The following ABCA6 variants were observed in gnomAD, a reference collection of about 807,000 sequenced individuals.
ABCA6 encodes the protein ATP binding cassette subfamily A member 6.
Under a neutral mutation model 191.2 loss-of-function variants are expected in ABCA6, and 164 were observed. That is an observed-to-expected ratio of 0.86 (90% CI 0.76 to 0.98). ABCA6 has a LOEUF of 0.98. Ranked by LOEUF, ABCA6 falls within the 50% of genes least tolerant of loss-of-function variation. The pLI is 0.00. For synonymous variants in ABCA6, 636 were observed against 647.7 expected, an observed-to-expected ratio of 0.98 and a Z score of 0.27; for missense variants, 1,958 against 1,894.1, an observed-to-expected ratio of 1.03 and a Z score of -0.63.
chr17:69,107,736 T>C lies in ABCA6; in HGVS notation c.2349A>G (p.Glu783=), dbSNP rs139778874. 105 of 1,612,670 alleles carry C rather than the reference T, an allele frequency of 6.5e-5. No homozygotes were observed. Among genetic ancestry groups the C allele is most frequent in the Middle Eastern group, 1.6e-4 (1 of 6,070 alleles). The change falls in exon 18 of 39, where the codon GAA becomes GAG. Residue 783 remains glutamate (E), a synonymous_variant. Transcript: ENST00000284425. ...ACTGTCCTTCCAGTTTCATAAAGAC[T>C]TCATTTAGAGTTGACATGGAAATGT... ...GYDISMSTLN[E]VFMKLEGQST...
chr17:69,083,452 A>G, intron 34 of ABCA6, 121 bp from the exon 35 acceptor site: 1 of 944,754 alleles, frequency 1.1e-6, no homozygotes, highest in Non-Finnish European at 1.5e-6. Context: ...CAATGTAAGT[A>G]CTGACTAGGT....
intron 27 of ABCA6, among the ~76,000 whole-genome samples, chr17:69,089,010 G>A (rs1432785655): frequency 6.6e-6 from 1 of 152,158 alleles, no homozygotes; most frequent in Non-Finnish European, 1.5e-5. Context: ...TAAGCTCCAT[G>A]AGGGCAGGGA....
intron 25 of ABCA6, among the ~76,000 whole-genome samples, chr17:69,093,085 G>A (rs894189054): frequency 6.6e-6 from 1 of 152,110 alleles, no homozygotes; most frequent in Admixed American, 6.5e-5. Context: ...TTTAACATGA[G>A]GAATGACATA....
At chr17:69,092,506 T>A (rs572363737) in intron 25 of ABCA6, among the ~76,000 whole-genome samples, 1 of 152,300 alleles carries the variant, frequency 6.6e-6, no homozygotes, top group South Asian at 2.1e-4. Context: ...ACTTTGACAG[T>A]GTGAGAGGAT....
At chr17:69,083,999 G>A (rs1222935375) in intron 34 of ABCA6, among the ~76,000 whole-genome samples, 2 of 152,116 alleles carry the variant, frequency 1.3e-5, no homozygotes, top group African/African-American at 2.4e-5. Flanking sequence ...ATAATTAAAA[G>A]GCAAAATATT....
intron 36 of ABCA6, among the ~76,000 whole-genome samples, chr17:69,082,314 TAC>T (rs1014798616): frequency 3.9e-5 from 5 of 128,798 alleles, no homozygotes; most frequent in Non-Finnish European, 8.1e-5. Context: ...CCAAATAACA[TAC>T]AGACATACAC....
intron 27 of ABCA6, 25 bp from the exon 28 acceptor site, chr17:69,088,283 AT>A (rs769724202): frequency 1.7e-5 from 25 of 1,512,258 alleles, no homozygotes; most frequent in Non-Finnish European, 2.2e-5. Flanking sequence ...ATACAGTTAT[AT>A]TTAGGCATAA....
At chr17:69,107,971 T>G in intron 17 of ABCA6, 159 bp from the exon 18 acceptor site, 1 of 556,370 alleles carries the variant, frequency 1.8e-6, no homozygotes, top group Non-Finnish European at 3.1e-6. Flanking sequence ...GAGAATGCTC[T>G]CCTTCTCTGA....
At chr17:69,084,401 C>T (rs1396091533) in intron 33 of ABCA6, 31 bp downstream of exon 33, 3 of 1,614,096 alleles carry the variant, frequency 1.9e-6, no homozygotes, top group Non-Finnish European at 2.5e-6. Flanking sequence ...ACCACACCAG[C>T]TCTCCATAGA....
At chr17:69,104,724 C>A (rs1300238460) in intron 20 of ABCA6, 4 of 148,708 alleles carry the variant, frequency 2.7e-5, no homozygotes, top group Non-Finnish European at 5.9e-5. Flanking sequence ...AATCCCAGCA[C>A]TTTGGGAGGC....
At chr17:69,091,102 A>G in intron 26 of ABCA6, 41 bp downstream of exon 26, 1 of 1,586,642 alleles carries the variant, frequency 6.3e-7, no homozygotes, top group South Asian at 1.1e-5. Flanking sequence ...TTAATAAGCT[A>G]CATATTCAAA....
intron 28 of ABCA6, 123 bp from the exon 29 acceptor site, chr17:69,087,596 T>C (rs969746687): frequency 7.7e-7 from 1 of 1,295,572 alleles, no homozygotes; most frequent in Non-Finnish European, 1.1e-6. Flanking sequence ...GATGTGATGA[T>C]GACTGTCAAT....
intron 30 of ABCA6, among the ~76,000 whole-genome samples, chr17:69,086,083 C>T (rs1250642538): frequency 6.6e-6 from 1 of 152,190 alleles, no homozygotes; most frequent in East Asian, 1.9e-4. Context: ...TCAACCACCT[C>T]TGTCCAAGTT....
chr17:69,136,835 T>G (rs902769837), intron 3 of ABCA6, among the ~76,000 whole-genome samples: 1 of 152,144 alleles, frequency 6.6e-6, no homozygotes, highest in African/African-American at 2.4e-5. Context: ...TGTTTACTGA[T>G]TGTACTATAT....
chr17:69,128,359 T>C (rs1598055149), intron 8 of ABCA6, among the ~76,000 whole-genome samples: 1 of 151,978 alleles, frequency 6.6e-6, no homozygotes. Flanking sequence ...TAAATATTTG[T>C]ATATAGGAAA....
Position 69,107,724 on chromosome 17 carries a change from T to C in ABCA6, c.2361A>G (p.Lys787=). The change falls in exon 18 of 39, where the codon AAA becomes AAG. Residue 787 remains lysine (K), a synonymous_variant. Coordinates refer to ENST00000284425, the MANE Select transcript of ABCA6 (RefSeq NM_080284.3). Reference sequence around the variant, plus strand: ...GTTCGATAGTTGACTGTCCTTCCAGTTTCATAAAGACTTCATTTAGAGTTG... The same window carrying C: ...GTTCGATAGTTGACTGTCCTTCCAGCTTCATAAAGACTTCATTTAGAGTTG... The part of the protein sequence containing the change: ...SMSTLNEVFM[K]LEGQSTIEQD... 1 of 1,611,646 alleles carries C rather than the reference T, an allele frequency of 6.2e-7. No homozygotes were observed. The highest frequency in any genetic ancestry group is 1.7e-4 in the Middle Eastern group (1 of 6,046).
In ABCA6 at chr17:69,129,796, C is replaced by T. The variant is rs752869445; in HGVS notation, c.792-45G>A. The T allele has an allele frequency of 1.2e-5, 17 of 1,406,824 alleles. No homozygotes were observed. The African/African-American group carries it at 2.2e-4, about 18-fold the overall frequency. 87.1% of individuals were successfully genotyped at this position (1,406,824 alleles called of 1,614,324 possible). ...TATATAAATTATGTTAACTTATTTA[C>T]AAAATATTTAATATATACAAAAGCA... On this transcript the variant is annotated intron_variant, in intron 6 of 38. Transcript: ENST00000284425.
In ABCA6 at chr17:69,112,104, T is replaced by C. The variant is rs550432697; in HGVS notation, c.2132+79A>G. On this transcript the variant is annotated intron_variant, in intron 16 of 38. Transcript: ENST00000284425. ...TGGTAGAGATGAAGCACGAGGCCAG[T>C]TCTGTTTCATAATTGTCCACCTTTT... 30 of 1,078,536 alleles carry C rather than the reference T, an allele frequency of 2.8e-5. No individual in the cohort carries two copies. In the South Asian group the frequency reaches 2.9e-4, roughly 11 times the overall value. The allele number at this position is 1,078,536 out of a possible 1,614,324, so 66.8% of individuals were successfully genotyped here. A position where few individuals can be genotyped will look rare whatever the true frequency, so the allele number is the denominator to read the frequency against.
intron 37 of ABCA6, 27 bp downstream of exon 37, chr17:69,081,039 G>T (rs1296975048): frequency 2.2e-6 from 3 of 1,387,440 alleles, no homozygotes; most frequent in South Asian, 1.4e-5. Flanking sequence ...TTCTTCAAAA[G>T]ATTTATTTGA....
Sources: allele counts gnomAD v4.1 joint callset (sites outside exome capture counted in the v4.1 genomes callset), GRCh38; gene constraint gnomAD v4.1.1; transcripts MANE v1.5; gene names NCBI Gene and HGNC (gene_info 2026-07-23, HGNC 2026-07-21).